CNNM1: variants seen among roughly 807,000 people sequenced by gnomAD.
The protein encoded by CNNM1 is cyclin and CBS domain divalent metal cation transport mediator 1, also known as metal transporter CNNM1.
A neutral mutation model predicts 78.8 loss-of-function variants in CNNM1; 44 were observed. The observed-to-expected ratio is 0.56, with a 90% confidence interval of 0.44 to 0.72. The LOEUF (loss-of-function observed/expected upper bound fraction) is 0.72, where lower values mean the gene tolerates loss of function less well. Among genes scored for constraint, CNNM1 ranks in the 30% least tolerant of loss-of-function variants. The pLI is 0.00. For missense variants in CNNM1, 1,101 were observed against 1,292.2 expected (o/e 0.85, Z 2.27); for synonymous variants, 584 against 581.5 (o/e 1.00, Z -0.06).
intron 1 of CNNM1, among the ~76,000 whole-genome samples, chr10:99,351,846 C>T (rs1003804652): frequency 2.3e-4 from 35 of 152,168 alleles, no homozygotes; most frequent in Middle Eastern, 3.2e-3. Context: ...ATTCTCTTTA[C>T]GAAGCAGTCC....
chr10:99,345,939 C>T (rs1384409851), intron 1 of CNNM1, among the ~76,000 whole-genome samples: 2 of 152,144 alleles, frequency 1.3e-5, no homozygotes, highest in African/African-American at 4.8e-5. Flanking sequence ...AAGCGATCCT[C>T]CCGCTTCAGC....
At chr10:99,365,271 T>A (rs191530687) in intron 6 of CNNM1, 8 of 582,848 alleles carry the variant, frequency 1.4e-5, no homozygotes, top group African/African-American at 1.3e-4. Flanking sequence ...GCACTGCTTA[T>A]TGCCACCTTC....
At chr10:99,364,828 C>A (rs539152270) in intron 5 of CNNM1, 127 bp from the exon 6 acceptor site, 18 of 851,378 alleles carry the variant, frequency 2.1e-5, no homozygotes, top group Middle Eastern at 2.3e-4. Context: ...GTTCCCTACC[C>A]TTCCATTTAA....
intron 1 of CNNM1, among the ~76,000 whole-genome samples, chr10:99,356,562 CAGAAAGAAAGAAAGAA>C (rs71009746): frequency 1.1e-4 from 11 of 98,538 alleles, no homozygotes; most frequent in South Asian, 3.6e-4. Flanking sequence ...GACAGACAGA[CAGAAAGAAAGAAAGAA>C]AGAAAGAAAG....
At chr10:99,363,930 A>G (rs537378581) in intron 4 of CNNM1, among the ~76,000 whole-genome samples, 1 of 151,956 alleles carries the variant, frequency 6.6e-6, no homozygotes, top group Non-Finnish European at 1.5e-5. Flanking sequence ...TGTTTAGTAG[A>G]GATGGGGTTT....
intron 9 of CNNM1, among the ~76,000 whole-genome samples, chr10:99,389,374 GC>G (rs1211383184): frequency 1.4e-5 from 2 of 141,656 alleles, no homozygotes; most frequent in African/African-American, 5.3e-5. Flanking sequence ...GCGAGATGGC[GC>G]CATTGCACTC....
At chr10:99,384,896 G>A (rs986372176) in intron 7 of CNNM1, among the ~76,000 whole-genome samples, 8 of 151,908 alleles carry the variant, frequency 5.3e-5, no homozygotes, top group Non-Finnish European at 1.0e-4. Context: ...GTGAAACCCC[G>A]TATCTATTAA....
chr10:99,341,404 G>A (rs1369045609), intron 1 of CNNM1, among the ~76,000 whole-genome samples: 3 of 152,096 alleles, frequency 2.0e-5, no homozygotes, highest in Non-Finnish European at 4.4e-5. Flanking sequence ...GATAGACATG[G>A]ATATAAATGC....
rs773788510 is a variant in CNNM1 at position 99,388,277 on chromosome 10, C to A, written c.2650C>A (p.Pro884Thr). The A allele has an allele frequency of 1.9e-6, 3 of 1,613,722 alleles. No homozygotes were observed. Among genetic ancestry groups the A allele is most frequent in the Non-Finnish European group, 2.5e-6 (3 of 1,179,832 alleles). ...EHSTQQLTLS[P>T]AAVPTRAASD... ...CAGCACACAGCAGCTCACGCTGTCTCCTGCAGCCGTTCCCACGAGAGCAGG... is the reference window on the plus strand; with the variant it reads ...CAGCACACAGCAGCTCACGCTGTCTACTGCAGCCGTTCCCACGAGAGCAGG... Residue 884 changes from proline to threonine, a missense_variant, in exon 9 of 11, where the codon CCT becomes ACT. This residue lies in a region of CNNM1 where 348 missense variants were observed against 384.5 expected (regional missense o/e 0.90). Transcript: ENST00000356713.
intron 1 of CNNM1, among the ~76,000 whole-genome samples, chr10:99,334,145 A>C (rs2030054458): frequency 1.3e-5 from 2 of 152,228 alleles, no homozygotes; most frequent in Admixed American, 6.5e-5. Context: ...GCTCCTATGT[A>C]ACATTAAAGT....
chr10:99,357,464 C>G (rs1268886100), intron 1 of CNNM1, 48 bp from the exon 2 acceptor site: 26 of 1,570,982 alleles, frequency 1.7e-5, no homozygotes, highest in Non-Finnish European at 2.0e-5. Context: ...AAAAAAAGAT[C>G]TCTGAAAATG....
chr10:99,362,956 T>C (rs1028935158), intron 4 of CNNM1, among the ~76,000 whole-genome samples: 1 of 152,146 alleles, frequency 6.6e-6, no homozygotes, highest in Non-Finnish European at 1.5e-5. Flanking sequence ...AAATGACCTG[T>C]TCAAAGAAGT....
intron 1 of CNNM1, among the ~76,000 whole-genome samples, chr10:99,351,201 C>T (rs1246631235): frequency 2.0e-5 from 3 of 152,194 alleles, no homozygotes; most frequent in African/African-American, 7.2e-5. Context: ...ATTTGACCTT[C>T]AGTAATGGGT....
intron 1 of CNNM1, among the ~76,000 whole-genome samples, chr10:99,349,731 T>G (rs2030859342): frequency 6.6e-6 from 1 of 152,176 alleles, no homozygotes; most frequent in South Asian, 2.1e-4. Flanking sequence ...CCGGGCGCAG[T>G]GGCTCACGCC....
At chr10:99,344,506 T>G (rs2030599196) in intron 1 of CNNM1, among the ~76,000 whole-genome samples, 1 of 152,154 alleles carries the variant, frequency 6.6e-6, no homozygotes, top group Admixed American at 6.5e-5. Context: ...AACAAGTCCT[T>G]TCTCTCTCTG....
At chr10:99,344,200 C>T (rs188968276) in intron 1 of CNNM1, among the ~76,000 whole-genome samples, 3 of 151,634 alleles carry the variant, frequency 2.0e-5, no homozygotes, top group Non-Finnish European at 2.9e-5. Context: ...GGCATGATGG[C>T]GGGTGCCTGT....
At position 99,354,588 on chromosome 10, in the gene CNNM1, C is replaced by G. The variant is rs140328851; in HGVS notation, c.1574-2924C>G. On this transcript the variant is annotated intron_variant, in intron 1 of 10. Transcript: ENST00000356713. ...TGTAGGACACATACATTGCTAGTTA[C>G]AAGAAGTAGCAATTTGTGATAAATG... 3.3e-5 allele frequency among the ~76,000 whole-genome samples: 5 copies of G among 152,212 alleles called. No homozygotes were observed. The East Asian group carries it at 9.7e-4, about 29-fold the overall frequency.
At chr10:99,365,328 C>T (rs1489689664) in intron 6 of CNNM1, among the ~76,000 whole-genome samples, 2 of 152,206 alleles carry the variant, frequency 1.3e-5, no homozygotes, top group Non-Finnish European at 2.9e-5. Flanking sequence ...GAGGCTCAGC[C>T]CTTCCTTCTG....
intron 6 of CNNM1, chr10:99,368,489 T>A (rs764507100): frequency 2.4e-6 from 1 of 422,866 alleles, no homozygotes; most frequent in Non-Finnish European, 4.4e-6. Context: ...GATTCCTTTT[T>A]GCAGAGAAAT....
Sources: allele counts gnomAD v4.1 joint callset (sites outside exome capture counted in the v4.1 genomes callset), GRCh38; gene constraint gnomAD v4.1.1; regional missense constraint gnomAD v4.1.1; transcripts MANE v1.5; gene names NCBI Gene and HGNC (gene_info 2026-07-23, HGNC 2026-07-21).